The following DLG2 variants were observed in gnomAD, a reference collection of about 807,000 sequenced individuals.
DLG2 encodes disks large homolog 2.
Under a neutral mutation model 132.5 loss-of-function variants are expected in DLG2, and 45 were observed. The observed-to-expected ratio is 0.34, with a 90% confidence interval of 0.27 to 0.44. The LOEUF is 0.44. Among genes scored for constraint, DLG2 ranks in the 20% least tolerant of loss-of-function variants. The probability of loss-of-function intolerance (pLI) is 1.00; values close to 1 mark genes in which losing one functional copy is unlikely to be tolerated. For missense variants in DLG2, 1,045 were observed against 1,196.9 expected (o/e 0.87, Z 1.87); for synonymous variants, 424 against 419.6 (o/e 1.01, Z -0.13).
At chr11:84,822,529 G>A (rs542171922) in intron 6 of DLG2, among the ~76,000 whole-genome samples, 7 of 151,910 alleles carry the variant, frequency 4.6e-5, no homozygotes, top group Admixed American at 1.3e-4. Flanking sequence ...TGAAACATTA[G>A]GAATCATCTT....
chr11:83,787,315 T>TG (rs2040230797), intron 17 of DLG2, among the ~76,000 whole-genome samples: 1 of 88,502 alleles, frequency 1.1e-5, no homozygotes, highest in Non-Finnish European at 2.1e-5. Context: ...AAGCCTTGTT[T>TG]TTTTTTTGTT....
At chr11:85,511,432 A>C (rs2094066815) in intron 3 of DLG2, among the ~76,000 whole-genome samples, 1 of 152,066 alleles carries the variant, frequency 6.6e-6, no homozygotes, top group South Asian at 2.1e-4. Flanking sequence ...AAGACAATAG[A>C]TTTGAGTTAT....
At chr11:85,015,346 C>A (rs1008073016) in intron 6 of DLG2, among the ~76,000 whole-genome samples, 1 of 150,000 alleles carries the variant, frequency 6.7e-6, no homozygotes, top group Non-Finnish European at 1.5e-5. Flanking sequence ...ACATTTTATT[C>A]TTTAATTATA....
intron 6 of DLG2, among the ~76,000 whole-genome samples, chr11:84,839,906 A>G (rs879392757): frequency 1.3e-5 from 2 of 152,130 alleles, no homozygotes; most frequent in Non-Finnish European, 2.9e-5. Flanking sequence ...AACCTAGGCA[A>G]TACCATTCAG....
intron 18 of DLG2, among the ~76,000 whole-genome samples, chr11:83,749,175 G>T (rs934890779): frequency 3.3e-5 from 5 of 152,166 alleles, no homozygotes; most frequent in African/African-American, 1.2e-4. Context: ...ATGAGAGATG[G>T]CAGTGATGAT....
In DLG2 at chr11:84,221,337, G is replaced by A. The variant is rs968764279; in HGVS notation, c.573+29901C>T. ...AAATTAGCCAGGCATGGTGGCACGCGCCTGTAGTCCCAGCTACTCAGGAGG... is the reference window on the plus strand; with the variant it reads ...AAATTAGCCAGGCATGGTGGCACGCACCTGTAGTCCCAGCTACTCAGGAGG... On this transcript the variant is annotated intron_variant, in intron 8 of 27. Transcript: ENST00000376104. 5.9e-5 allele frequency among the ~76,000 whole-genome samples: 9 copies of A among 151,928 alleles called. No homozygotes were observed. In the South Asian group the frequency reaches 8.3e-4, roughly 14 times the overall value.
chr11:84,303,743 AAAACAAAT>A (rs1339517952), intron 7 of DLG2, among the ~76,000 whole-genome samples: 5 of 152,198 alleles, frequency 3.3e-5, no homozygotes, highest in Non-Finnish European at 7.3e-5. Flanking sequence ...AACTAAAAAC[AAAACAAAT>A]AAACAAAGGA....
intron 6 of DLG2, among the ~76,000 whole-genome samples, chr11:84,630,979 TTC>T (rs369904915): frequency 0.02 from 1,033 of 51,196 alleles, 11 homozygotes; most frequent in African/African-American, 0.03. Flanking sequence ...TTAAATGCAT[TTC>T]TCTCTCTCTC....
chr11:84,259,518 A>G (rs2097526655), intron 7 of DLG2, among the ~76,000 whole-genome samples: 1 of 152,136 alleles, frequency 6.6e-6, no homozygotes, highest in Non-Finnish European at 1.5e-5. Flanking sequence ...ACAGTGCTGA[A>G]TAAACTATGT....
chr11:84,986,989 A>T (rs1185435503), intron 6 of DLG2, among the ~76,000 whole-genome samples: 2 of 152,220 alleles, frequency 1.3e-5, no homozygotes, highest in African/African-American at 2.4e-5. Context: ...TTTGCTGATG[A>T]TATGATTATT....
intron 2 of DLG2, among the ~76,000 whole-genome samples, chr11:85,616,999 A>G (rs1160305450): frequency 6.6e-6 from 1 of 152,242 alleles, no homozygotes; most frequent in African/African-American, 2.4e-5. Flanking sequence ...CTCCCATTCC[A>G]GGCAGAACCC....
At chr11:85,051,340 CTTGA>C (rs558899883) in intron 6 of DLG2, among the ~76,000 whole-genome samples, 56 of 152,198 alleles carry the variant, frequency 3.7e-4, no homozygotes, top group East Asian at 1.9e-3. Flanking sequence ...CCAAAATTTG[CTTGA>C]TTACTTATCA....
intron 7 of DLG2, 118 bp downstream of exon 7, chr11:84,534,452 C>A: frequency 9.7e-7 from 1 of 1,033,900 alleles, no homozygotes; most frequent in East Asian, 2.4e-5. Flanking sequence ...TTTGGCAACC[C>A]GTGTCCTCTA....
chr11:84,503,356 G>A (rs1440150134), intron 7 of DLG2, among the ~76,000 whole-genome samples: 1 of 152,160 alleles, frequency 6.6e-6, no homozygotes, highest in Admixed American at 6.5e-5. Flanking sequence ...AATGTCCCTA[G>A]ATTACATTTT....
At chr11:84,627,595 G>A (rs1023259485) in intron 6 of DLG2, among the ~76,000 whole-genome samples, 6 of 152,166 alleles carry the variant, frequency 3.9e-5, no homozygotes, top group Non-Finnish European at 5.9e-5. Context: ...TTTGAATCTT[G>A]TCTCTCAACA....
intron 6 of DLG2, among the ~76,000 whole-genome samples, chr11:84,813,710 G>A (rs1454349244): frequency 3.9e-5 from 6 of 152,036 alleles, no homozygotes; most frequent in Non-Finnish European, 7.4e-5. Flanking sequence ...TCCTCATTAA[G>A]CACTGGCTCC....
intron 3 of DLG2, among the ~76,000 whole-genome samples, chr11:85,399,638 C>T (rs147612392): frequency 0.045 from 6,862 of 152,132 alleles, 197 homozygotes; most frequent in East Asian, 0.097. Flanking sequence ...ATATCTACAA[C>T]GATCTGAACT....
At chr11:85,431,052 T>C (rs2091148148) in intron 3 of DLG2, among the ~76,000 whole-genome samples, 2 of 152,190 alleles carry the variant, frequency 1.3e-5, no homozygotes, top group African/African-American at 4.8e-5. Context: ...TTTTTTTTAT[T>C]TCTATACATC....
chr11:84,943,167 C>CGTGT (rs201404405), intron 6 of DLG2, among the ~76,000 whole-genome samples: 2,153 of 137,874 alleles, frequency 0.016, 30 homozygotes, highest in African/African-American at 0.036. Context: ...TGTGTGTGTG[C>CGTGT]GTGTGTGTGT....
Sources: allele counts gnomAD v4.1 joint callset (sites outside exome capture counted in the v4.1 genomes callset), GRCh38; gene constraint gnomAD v4.1.1; transcripts MANE v1.5; gene names NCBI Gene and HGNC (gene_info 2026-07-23, HGNC 2026-07-21).